Variants in ALDH5A1 observed in about 807,000 individuals in gnomAD.
ALDH5A1 encodes the protein aldehyde dehydrogenase 5 family member A1.
ALDH5A1 carries 33 observed loss-of-function variants against 54.7 expected under a neutral mutation model. That is an observed-to-expected ratio of 0.60 (90% CI 0.46 to 0.81). ALDH5A1 has a LOEUF of 0.81. Ranked by LOEUF, ALDH5A1 falls within the 30% of genes least tolerant of loss-of-function variation. ALDH5A1 has a pLI of 0.00. For missense variants in ALDH5A1, 657 were observed against 711.0 expected (o/e 0.92, Z 0.86); for synonymous variants, 294 against 292.7 (o/e 1.00, Z -0.05).
rs1449304427 is a variant in ALDH5A1 at position 24,533,618 on chromosome 6, G to A, written c.1514G>A (p.Gly505Asp). The A allele has an allele frequency of 2.5e-6, 4 of 1,614,144 alleles. No homozygotes were observed. The highest frequency in any genetic ancestry group is 3.4e-6 in the Non-Finnish European group (4 of 1,180,028). ...GLISSVECPF[G>D]GVKQSGLGRE... ...ATTTCCTCTGTGGAGTGCCCTTTTGGTGGAGTGAAGCAGTCCGGCCTTGGG... is the reference window on the plus strand; with the variant it reads ...ATTTCCTCTGTGGAGTGCCCTTTTGATGGAGTGAAGCAGTCCGGCCTTGGG... Residue 505 changes from glycine to aspartate, a missense_variant, in exon 10 of 10, where the codon GGT becomes GAT. Gly to Asp is a moderately conservative substitution (Grantham distance 94). Coordinates refer to ENST00000357578, the MANE Select transcript of ALDH5A1 (RefSeq NM_001080.3).
chr6:24,495,004 C>G lies in ALDH5A1; in HGVS notation c.8C>G (p.Thr3Ser). Residue 3 changes from threonine (T) to serine (S), a missense_variant, in exon 1 of 10, where the codon ACC becomes AGC. By Grantham distance (58) the Thr-to-Ser change is moderately conservative. Transcript: ENST00000357578. MA[T>S]CIWLRSCGAR... Reference sequence around the variant, plus strand: ...GCCGTCGTTGCCCGGGCCATGGCGACCTGCATTTGGCTGCGGAGCTGTGGG... The same window carrying G: ...GCCGTCGTTGCCCGGGCCATGGCGAGCTGCATTTGGCTGCGGAGCTGTGGG... The G allele has an allele frequency of 7.6e-7, 1 of 1,320,248 alleles. No homozygotes were observed. Among genetic ancestry groups the G allele is most frequent in the Non-Finnish European group, 9.6e-7 (1 of 1,036,624 alleles). 81.8% of individuals were successfully genotyped at this position (1,320,248 alleles called of 1,614,324 possible).
intron 4 of ALDH5A1, among the ~76,000 whole-genome samples, chr6:24,508,821 G>A (rs1759409620): frequency 6.6e-6 from 1 of 152,228 alleles, no homozygotes; most frequent in Non-Finnish European, 1.5e-5. Flanking sequence ...CCTTGCAGGA[G>A]TAAGGTGGTA....
rs138759652 is a variant in ALDH5A1, at chr6:24,535,067, C to G, written c.*1355C>G. 1 of 152,214 alleles carries G rather than the reference C, an allele frequency of 6.6e-6. No individual in the cohort carries two copies. Among genetic ancestry groups the G allele is most frequent in the Non-Finnish European group, 1.5e-5 (1 of 68,044 alleles). The allele number at this position is 152,214 out of a possible 1,614,324, so 9.4% of individuals were successfully genotyped here. ...TTAAACAGATGCAAATCCAATTAGGCGGCCAAGTAGGTGGAGACGAAGCAC... is the reference window on the plus strand; with the variant it reads ...TTAAACAGATGCAAATCCAATTAGGGGGCCAAGTAGGTGGAGACGAAGCAC... On this transcript the variant is annotated 3_prime_UTR_variant, in exon 10 of 10. Transcript: ENST00000357578.
rs987829284 is a variant in ALDH5A1 at position 24,536,044 on chromosome 6, T to C, written c.*2332T>C. 1 of 152,244 alleles carries C rather than the reference T, an allele frequency of 6.6e-6. No individual in the cohort carries two copies. The highest frequency in any genetic ancestry group is 1.5e-5 in the Non-Finnish European group (1 of 68,040). The allele number at this position is 152,244 out of a possible 1,614,324, so 9.4% of individuals were successfully genotyped here. On this transcript the variant is annotated 3_prime_UTR_variant, in exon 10 of 10. Transcript: ENST00000357578. ...AATTTTCTAATTAAAGGAAATAGCT[T>C]ATTGTTTAGTAAAATGGCCCTTGGT... is the stretch of plus-strand genomic sequence containing the variant.
intron 4 of ALDH5A1, among the ~76,000 whole-genome samples, chr6:24,512,179 G>C (rs1022564562): frequency 2.0e-5 from 3 of 152,198 alleles, no homozygotes; most frequent in African/African-American, 7.2e-5. Context: ...CCTGTGATGT[G>C]AACCATCTGT....
intron 4 of ALDH5A1, among the ~76,000 whole-genome samples, chr6:24,512,329 C>T (rs1759475320): frequency 6.6e-6 from 1 of 152,228 alleles, no homozygotes; most frequent in African/African-American, 2.4e-5. Flanking sequence ...AGCAAAAGTT[C>T]ACAATGCAAG....
chr6:24,520,919 C>G (rs1055635841), intron 6 of ALDH5A1, among the ~76,000 whole-genome samples: 38 of 152,170 alleles, frequency 2.5e-4, no homozygotes, highest in African/African-American at 8.4e-4. Context: ...TCCTTTTAAT[C>G]TGGTTATTTT....
chr6:24,535,112 T>C lies in ALDH5A1; in HGVS notation c.*1400T>C, dbSNP rs1165759093. ...AAGCACCTTCCTTTCCCCATCTCTG[T>C]CTGTGTAGACTCCACTTACATCTTG... On this transcript the variant is annotated 3_prime_UTR_variant, in exon 10 of 10. Transcript: ENST00000357578. 2 of 152,234 alleles carry C rather than the reference T, an allele frequency of 1.3e-5. No homozygotes were observed. Among genetic ancestry groups the C allele is most frequent in the Non-Finnish European group, 2.9e-5 (2 of 68,060 alleles). 9.4% of individuals were successfully genotyped at this position (152,234 alleles called of 1,614,324 possible). A position where few individuals can be genotyped will look rare whatever the true frequency, so the allele number is the denominator to read the frequency against.
chr6:24,512,224 G>A (rs942460282), intron 4 of ALDH5A1, among the ~76,000 whole-genome samples: 4 of 152,200 alleles, frequency 2.6e-5, no homozygotes, highest in African/African-American at 9.6e-5. Flanking sequence ...CACAGTATTT[G>A]GGGTGTCTCC....
In ALDH5A1 at chr6:24,528,009, G is replaced by A. The variant is rs199686669; in HGVS notation, c.1186G>A (p.Val396Met). 9 of 1,614,070 alleles carry A rather than the reference G, an allele frequency of 5.6e-6. No individual in the cohort carries two copies. The African/African-American group carries it at 8.0e-5, about 14-fold the overall frequency. Residue 396 changes from valine to methionine, a missense_variant, in exon 8 of 10, where the codon GTG (valine) becomes ATG (methionine). Val to Met is a conservative substitution (Grantham distance 21, BLOSUM62 1). Around this residue, in one of 2 missense-constraint regions of ALDH5A1, gnomAD observed 425 missense variants for 516.4 expected, o/e 0.82. Coordinates refer to ENST00000357578, the MANE Select transcript of ALDH5A1 (RefSeq NM_001080.3). ...EKAVEKVEKQ[V>M]NDAVSKGATV... ...CCTCATTACACAGGTGGAGAAACAG[G>A]TGAATGATGCCGTTTCTAAAGGTGC... is the stretch of plus-strand genomic sequence containing the variant.
intron 1 of ALDH5A1, 130 bp from the exon 2 acceptor site, chr6:24,502,393 A>G: frequency 1.3e-6 from 1 of 782,834 alleles, no homozygotes; most frequent in East Asian, 2.7e-5. Flanking sequence ...AAATTTACAC[A>G]TAAAATTAAC....
intron 9 of ALDH5A1, among the ~76,000 whole-genome samples, chr6:24,532,452 C>T (rs2058257890): frequency 6.6e-6 from 1 of 152,202 alleles, no homozygotes; most frequent in South Asian, 2.1e-4. Context: ...GAACTGCACA[C>T]ATCTCAAAGT....
chr6:24,533,965 C>G lies in ALDH5A1; in HGVS notation c.*253C>G. On this transcript the variant is annotated 3_prime_UTR_variant, in exon 10 of 10. Coordinates refer to ENST00000357578, the MANE Select transcript of ALDH5A1 (RefSeq NM_001080.3). Reference sequence around the variant, plus strand: ...CTGGGTTTACAGAATGAGGCCCTGGCTCCCCACCACAGCCCCAGCTGCCTC... The same window carrying G: ...CTGGGTTTACAGAATGAGGCCCTGGGTCCCCACCACAGCCCCAGCTGCCTC... The G allele has an allele frequency of 2.3e-6, 1 of 444,410 alleles. No homozygotes were observed. Among genetic ancestry groups the G allele is most frequent in the African/African-American group, 2.0e-5 (1 of 49,956 alleles). The allele number at this position is 444,410 out of a possible 1,614,324, so 27.5% of individuals were successfully genotyped here.
chr6:24,528,046 C>G lies in ALDH5A1; in HGVS notation c.1223C>G (p.Thr408Arg), dbSNP rs747980592. ...DAVSKGATVVTGGKRHQLGKN... is the reference protein window; with the variant it reads ...DAVSKGATVVRGGKRHQLGKN... ...GTTTCTAAAGGTGCCACCGTTGTGA[C>G]AGGTGGAAAACGACACCAACTTGGA... The change falls in exon 8 of 10, where the codon ACA becomes AGA. Residue 408 changes from threonine (T) to arginine (R), a missense_variant. This residue lies in a region of ALDH5A1 where 425 missense variants were observed against 516.4 expected (regional missense o/e 0.82). Transcript: ENST00000357578. 8 of 1,614,142 alleles carry G rather than the reference C, an allele frequency of 5.0e-6. No individual in the cohort carries two copies. The South Asian group carries it at 8.8e-5, about 18-fold the overall frequency.
chr6:24,533,497 C>G lies in ALDH5A1; in HGVS notation c.1403-10C>G, dbSNP rs781135523. ...CTAAATGCCATATATGTCCTTTTAT[C>G]CTGTGACAGGTTATTTTTACTCTCA... On this transcript the variant is annotated splice_polypyrimidine_tract_variant and intron_variant, in intron 9 of 9. Transcript: ENST00000357578. 8 of 1,613,654 alleles carry G rather than the reference C, an allele frequency of 5.0e-6. No individual in the cohort carries two copies. Among genetic ancestry groups the G allele is most frequent in the Admixed American group, 1.7e-5 (1 of 59,994 alleles).
At chr6:24,525,660 A>G (rs952512365) in intron 7 of ALDH5A1, among the ~76,000 whole-genome samples, 4 of 152,190 alleles carry the variant, frequency 2.6e-5, no homozygotes, top group Non-Finnish European at 5.9e-5. Flanking sequence ...GTGAGCAGAG[A>G]TCGCACCAGT....
At chr6:24,531,334 A>G (rs1361812206) in intron 8 of ALDH5A1, among the ~76,000 whole-genome samples, 1 of 152,246 alleles carries the variant, frequency 6.6e-6, no homozygotes, top group African/African-American at 2.4e-5. Flanking sequence ...AAACCAACGG[A>G]AGGCATTGGT....
At chr6:24,504,540 T>C (rs2127382779) in intron 3 of ALDH5A1, among the ~76,000 whole-genome samples, 1 of 152,308 alleles carries the variant, frequency 6.6e-6, no homozygotes, top group Middle Eastern at 3.4e-3. Flanking sequence ...AGCTGCAGAG[T>C]TGAGTAATTG....
At chr6:24,524,459 G>A (rs140588712) in intron 7 of ALDH5A1, among the ~76,000 whole-genome samples, 154 of 152,216 alleles carry the variant, frequency 1.0e-3, no homozygotes, top group African/African-American at 3.3e-3. Context: ...TACTCATCAT[G>A]GGAAGCACAG....
Sources: gnomAD v4.1 joint callset for allele counts (sites outside exome capture counted in the v4.1 genomes callset) on GRCh38, gnomAD v4.1.1 for gene constraint, gnomAD v4.1.1 regional missense constraint, MANE v1.5 for transcripts, NCBI Gene and HGNC (gene_info 2026-07-23, HGNC 2026-07-21) for gene names.